RBFOX1: variants seen among roughly 807,000 people sequenced by gnomAD.
The protein encoded by RBFOX1 is RNA binding protein fox-1 homolog 1.
A neutral mutation model predicts 57.7 loss-of-function variants in RBFOX1; 8 were observed. The ratio of observed to expected loss-of-function variants is 0.14; its 90% confidence interval spans 0.08 to 0.25. The LOEUF is 0.25. Among genes scored for constraint, RBFOX1 ranks in the 10% least tolerant of loss-of-function variants. The probability of loss-of-function intolerance (pLI) is 1.00; values close to 1 mark genes in which losing one functional copy is unlikely to be tolerated. For missense variants in RBFOX1, 611 were observed against 548.5 expected (o/e 1.11, Z -1.14); for synonymous variants, 326 against 222.4 (o/e 1.47, Z -4.15).
chr16:5,270,608 C>A, intron 1 of RBFOX1: 2 of 582,258 alleles, frequency 3.4e-6, no homozygotes, highest in Non-Finnish European at 6.4e-6. Flanking sequence ...TACCAAAAAA[C>A]GCAACAATCA....
chr16:5,695,938 G>C (rs899724795), intron 3 of RBFOX1, among the ~76,000 whole-genome samples: 1 of 152,072 alleles, frequency 6.6e-6, no homozygotes, highest in Non-Finnish European at 1.5e-5. Flanking sequence ...AAATCGATAA[G>C]AGAAGAATTT....
Position 7,344,373 on chromosome 16 carries a change from T to G in RBFOX1, c.28-173774T>G, listed in dbSNP as rs1000701281. ...ATTTTATATTTTATATTATTTGTAT[T>G]ATGCATTATTCATAAGATATAATGC... On this transcript the variant is annotated intron_variant, in intron 4 of 15. Transcript: ENST00000550418. Among the ~76,000 whole-genome samples, 3 of 150,028 alleles carry G rather than the reference T, an allele frequency of 2.0e-5. No homozygotes were observed. The Admixed American group carries it at 2.0e-4, about 10-fold the overall frequency.
At chr16:5,483,373 A>G (rs183618939) in intron 2 of RBFOX1, among the ~76,000 whole-genome samples, 2 of 152,176 alleles carry the variant, frequency 1.3e-5, no homozygotes, top group Admixed American at 1.3e-4. Context: ...GCTCTTTCCC[A>G]CGCTTGCCCC....
intron 3 of RBFOX1, among the ~76,000 whole-genome samples, chr16:6,893,657 C>T (rs1054805299): frequency 3.9e-5 from 6 of 152,092 alleles, no homozygotes; most frequent in Non-Finnish European, 8.8e-5. Context: ...AGAGCATTGG[C>T]CAGAGAAGCC....
chr16:5,627,711 A>G (rs1161003859), intron 3 of RBFOX1, among the ~76,000 whole-genome samples: 1 of 152,238 alleles, frequency 6.6e-6, no homozygotes, highest in Non-Finnish European at 1.5e-5. Flanking sequence ...AACAGTAAAA[A>G]TAATACAAAT....
In RBFOX1 at chr16:5,552,100, T is replaced by C. The variant is rs1873748288; in HGVS notation, c.259-46802T>C. Among the ~76,000 whole-genome samples, 4 of 152,258 alleles carry C rather than the reference T, an allele frequency of 2.6e-5. No individual in the cohort carries two copies. The South Asian group carries it at 6.2e-4, about 24-fold the overall frequency. On this transcript the variant is annotated intron_variant, in intron 2 of 2. Transcript: ENST00000585867. ...CAGACTGTGTCGTGTTACCGTGAAATTGAACTAAGATAATGTAGTCAGCCC... is the reference window on the plus strand; with the variant it reads ...CAGACTGTGTCGTGTTACCGTGAAACTGAACTAAGATAATGTAGTCAGCCC...
chr16:6,150,678 G>T (rs2096791154), intron 1 of RBFOX1, among the ~76,000 whole-genome samples: 1 of 152,076 alleles, frequency 6.6e-6, no homozygotes, highest in African/African-American at 2.4e-5. Flanking sequence ...TGGTCCTAAT[G>T]ATCTTTTCCC....
In RBFOX1 at chr16:7,173,132, T is replaced by C. The variant is rs139826261; in HGVS notation, c.27+121034T>C. On this transcript the variant is annotated intron_variant, in intron 4 of 15. Transcript: ENST00000550418. ...CAGACATACTTTTTGATTATTCATA[T>C]TTCATAAAATCTTATTTTCTTGACT... is the stretch of plus-strand genomic sequence containing the variant. 2.4e-4 allele frequency among the ~76,000 whole-genome samples: 37 copies of C among 152,336 alleles called. No homozygotes were observed. In the East Asian group the frequency reaches 6.7e-3, roughly 28 times the overall value.
intron 4 of RBFOX1, among the ~76,000 whole-genome samples, chr16:7,345,515 G>A (rs934373305): frequency 2.7e-4 from 41 of 152,294 alleles, no homozygotes; most frequent in African/African-American, 9.1e-4. Flanking sequence ...CTGTGACTTA[G>A]CAGAGGGACT....
intron 4 of RBFOX1, among the ~76,000 whole-genome samples, chr16:7,331,423 T>C (rs578141673): frequency 2.0e-5 from 3 of 152,266 alleles, no homozygotes; most frequent in East Asian, 3.9e-4. Flanking sequence ...CTTCATATTA[T>C]TGCTTTCAAA....
At chr16:6,759,400 C>G (rs759281794) in intron 3 of RBFOX1, among the ~76,000 whole-genome samples, 3 of 152,004 alleles carry the variant, frequency 2.0e-5, no homozygotes, top group Non-Finnish European at 4.4e-5. Flanking sequence ...ATCTGCCTGC[C>G]TCAGCCTCCC....
rs149586645 is a variant in RBFOX1, at chr16:5,612,646, C to G, written c.318+13685C>G. Among the ~76,000 whole-genome samples the G allele has an allele frequency of 7.2e-5, 11 of 152,304 alleles. No individual in the cohort carries two copies. The East Asian group carries it at 2.1e-3, about 29-fold the overall frequency. ...CTCAAGGCCACAGGGCAAGGTCAGG[C>G]GAGAATAGAGCATTCTAGACAGAGG... On this transcript the variant is annotated intron_variant, in intron 3 of 19. Coordinates refer to the RBFOX1 transcript ENST00000641259.
In RBFOX1 at chr16:7,591,741, C is replaced by G. The variant is rs549064194; in HGVS notation, c.469-3808C>G. 8.5e-5 allele frequency among the ~76,000 whole-genome samples: 13 copies of G among 152,322 alleles called. No homozygotes were observed. In the South Asian group the frequency reaches 2.1e-3, roughly 24 times the overall value. ...AGCAGTTACACATCAGCATCACACC[C>G]AGCCCTTTGCCGAGCAAGCCAAGCT... On this transcript the variant is annotated intron_variant, in intron 7 of 15. Coordinates refer to ENST00000550418, the MANE Select transcript of RBFOX1 (RefSeq NM_018723.4).
chr16:5,527,275 C>G (rs1269299853), intron 2 of RBFOX1, among the ~76,000 whole-genome samples: 1 of 152,190 alleles, frequency 6.6e-6, no homozygotes, highest in Non-Finnish European at 1.5e-5. Context: ...TTACCAACAG[C>G]TTGCCCACAA....
intron 4 of RBFOX1, among the ~76,000 whole-genome samples, chr16:7,389,522 C>T (rs747147561): frequency 1.3e-5 from 2 of 152,190 alleles, no homozygotes; most frequent in Non-Finnish European, 2.9e-5. Flanking sequence ...CCAAAGATAT[C>T]ATTGCTTAAT....
chr16:6,880,334 C>T (rs1434881760), intron 3 of RBFOX1, among the ~76,000 whole-genome samples: 2 of 152,136 alleles, frequency 1.3e-5, no homozygotes, highest in Admixed American at 6.5e-5. Flanking sequence ...CTCTGTTGTT[C>T]CTGACCACTG....
At chr16:6,496,501 G>A (rs957280872) in intron 2 of RBFOX1, among the ~76,000 whole-genome samples, 4 of 152,236 alleles carry the variant, frequency 2.6e-5, no homozygotes, top group Non-Finnish European at 5.9e-5. Context: ...ACAATCAGAC[G>A]GGAATCAATT....
At chr16:7,115,812 A>G (rs1383337877) in intron 4 of RBFOX1, among the ~76,000 whole-genome samples, 1 of 152,226 alleles carries the variant, frequency 6.6e-6, no homozygotes, top group Non-Finnish European at 1.5e-5. Context: ...TTACACATGA[A>G]CAGGGATCAC....
In RBFOX1 at chr16:5,784,108, C is replaced by T. The variant is rs193088232; in HGVS notation, c.319-83195C>T. ...TTCTAGGGAGGCCTCAGGAAACCTACACTCACGGCAGAAGGTGAAGAGGAA... is the reference window on the plus strand; with the variant it reads ...TTCTAGGGAGGCCTCAGGAAACCTATACTCACGGCAGAAGGTGAAGAGGAA... On this transcript the variant is annotated intron_variant, in intron 3 of 19. Transcript: ENST00000641259. 5.3e-5 allele frequency among the ~76,000 whole-genome samples: 8 copies of T among 152,266 alleles called. No homozygotes were observed. The East Asian group carries it at 1.5e-3, about 29-fold the overall frequency.
Sources: allele counts gnomAD v4.1 joint callset (sites outside exome capture counted in the v4.1 genomes callset), GRCh38; gene constraint gnomAD v4.1.1; transcripts MANE v1.5; gene names NCBI Gene and HGNC (gene_info 2026-07-23, HGNC 2026-07-21).